Variants in CCDC112 observed in about 807,000 individuals in gnomAD.
The protein encoded by CCDC112 is coiled-coil domain containing 112, also known as coiled-coil domain-containing protein 112.
In CCDC112, 40 loss-of-function variants were observed where a neutral mutation model predicts 66.3. The ratio of observed to expected loss-of-function variants is 0.60; its 90% confidence interval spans 0.47 to 0.79. The LOEUF (loss-of-function observed/expected upper bound fraction) is 0.79. CCDC112 is among the 30% of genes least tolerant of loss of function. The pLI, the probability that CCDC112 is intolerant of heterozygous loss-of-function variation, is 0.00. For missense variants in CCDC112, 659 were observed against 603.8 expected (o/e 1.09, Z -0.96); for synonymous variants, 214 against 197.2 (o/e 1.09, Z -0.71).
rs759296203 is a variant in CCDC112, at chr5:115,296,514, C to A, written c.30G>T (p.Ala10=). The A allele has an allele frequency of 6.5e-7, 1 of 1,546,542 alleles. No individual in the cohort carries two copies. The highest frequency in any genetic ancestry group is 8.7e-7 in the Non-Finnish European group (1 of 1,151,870). Residue 10 remains alanine (A), a synonymous_variant, in exon 1 of 10, where the codon GCG becomes GCT. Coordinates refer to ENST00000379611, the MANE Select transcript of CCDC112 (RefSeq NM_001040440.3). ...CCCCGGCTACCGCGGTGGCCGCAGC[C>A]GCTACCACAACCGTCGTCAGTGCGG... MAALTTVVV[A]AAATAVAGAV...
chr5:115,286,331 A>T (rs533256385), intron 1 of CCDC112, among the ~76,000 whole-genome samples: 20 of 152,162 alleles, frequency 1.3e-4, no homozygotes, highest in Non-Finnish European at 2.6e-4. Context: ...TTCACTTCAC[A>T]TGATGTTTTC....
Position 115,267,447 on chromosome 5 carries a change from A to C in CCDC112, c.*429T>G, listed in dbSNP as rs1561491943. On this transcript the variant is annotated 3_prime_UTR_variant, in exon 10 of 10. Transcript: ENST00000379611. Reference sequence around the variant, plus strand: ...ATAGAAAAAGTACTAACATTTCGTAACTCTAAACAAAAACCACTTTACCTT... The same window carrying C: ...ATAGAAAAAGTACTAACATTTCGTACCTCTAAACAAAAACCACTTTACCTT... 1 of 157,708 alleles carries C rather than the reference A, an allele frequency of 6.3e-6. No homozygotes were observed. The highest frequency in any genetic ancestry group is 6.5e-5 in the Admixed American group (1 of 15,484). 9.8% of individuals were successfully genotyped at this position (157,708 alleles called of 1,614,324 possible).
At chr5:115,281,949 T>C (rs1379188356) in intron 2 of CCDC112, among the ~76,000 whole-genome samples, 1 of 152,258 alleles carries the variant, frequency 6.6e-6, no homozygotes, top group African/African-American at 2.4e-5. Context: ...GCAATATTTA[T>C]CACATTTGTA....
intron 2 of CCDC112, 121 bp downstream of exon 2, chr5:115,284,666 G>T: frequency 1.5e-6 from 1 of 653,970 alleles, no homozygotes; most frequent in Non-Finnish European, 2.5e-6. Flanking sequence ...TATTTGACAG[G>T]CTAGTGATTA....
intron 7 of CCDC112, 42 bp downstream of exon 7, chr5:115,271,171 T>A (rs1025040326): frequency 4.6e-6 from 7 of 1,522,420 alleles, no homozygotes; most frequent in Non-Finnish European, 3.5e-6. Flanking sequence ...AATACCTCCA[T>A]GTGTAGCATT....
intron 2 of CCDC112, among the ~76,000 whole-genome samples, chr5:115,280,654 G>C (rs1749413620): frequency 6.6e-6 from 1 of 151,786 alleles, no homozygotes; most frequent in Admixed American, 6.6e-5. Context: ...CCTGGCTCAA[G>C]CAATCCTCCA....
chr5:115,287,066 C>T (rs1199505256), intron 1 of CCDC112, among the ~76,000 whole-genome samples: 2 of 152,166 alleles, frequency 1.3e-5, no homozygotes, highest in African/African-American at 4.8e-5. Context: ...ATAATGCCTT[C>T]GAAGCCCCAA....
rs372625991 is a variant in CCDC112 at position 115,272,320 on chromosome 5, T to A, written c.919-694A>T. On this transcript the variant is annotated intron_variant, in intron 6 of 9. Coordinates refer to ENST00000379611, the MANE Select transcript of CCDC112 (RefSeq NM_001040440.3). Reference sequence around the variant, plus strand: ...TTCTAGGCTTAGAATACTTTCTGAGTGATCTTTATCTGGTCAAATATCAGA... The same window carrying A: ...TTCTAGGCTTAGAATACTTTCTGAGAGATCTTTATCTGGTCAAATATCAGA... 2.4e-4 allele frequency among the ~76,000 whole-genome samples: 37 copies of A among 152,304 alleles called. 1 individual carries two copies. In the East Asian group the frequency reaches 6.2e-3, roughly 25 times the overall value.
Position 115,275,410 on chromosome 5 carries a change from G to C in CCDC112, c.724C>G (p.Gln242Glu). ...CAGGCACCTTGTCGCCCTCCTGTTTGCTGAAGGAATTTTTCAAAATCTAGT... is the reference window on the plus strand; with the variant it reads ...CAGGCACCTTGTCGCCCTCCTGTTTCCTGAAGGAATTTTTCAAAATCTAGT... Reference protein sequence around the residue: ...EVLDFEKFLQQTGGRQGAWDD... With the variant: ...EVLDFEKFLQETGGRQGAWDD... The change falls in exon 6 of 10, where the codon CAA becomes GAA. Residue 242 changes from glutamine (Q) to glutamate (E), a missense_variant. By Grantham distance (29) the Gln-to-Glu change is conservative. Coordinates refer to ENST00000379611, the MANE Select transcript of CCDC112 (RefSeq NM_001040440.3). 6.2e-7 allele frequency: 1 copy of C among 1,613,940 alleles called. No homozygotes were observed. The highest frequency in any genetic ancestry group is 1.3e-5 in the African/African-American group (1 of 74,986).
intron 2 of CCDC112, among the ~76,000 whole-genome samples, chr5:115,284,310 C>T (rs1749584168): frequency 6.6e-6 from 1 of 152,072 alleles, no homozygotes; most frequent in Non-Finnish European, 1.5e-5. Context: ...AGATGTTTAT[C>T]CTCTATGATC....
At chr5:115,269,287 G>C (rs1561492588) in intron 8 of CCDC112, among the ~76,000 whole-genome samples, 1 of 152,026 alleles carries the variant, frequency 6.6e-6, no homozygotes, top group Non-Finnish European at 1.5e-5. Context: ...AAGTATGCTA[G>C]TGATATAGCC....
chr5:115,295,273 A>G (rs1345229565), intron 1 of CCDC112, among the ~76,000 whole-genome samples: 2 of 152,244 alleles, frequency 1.3e-5, no homozygotes, highest in Non-Finnish European at 2.9e-5. Flanking sequence ...TGCAGATCAG[A>G]AGACAGAACA....
chr5:115,275,466 T>C lies in CCDC112; in HGVS notation c.668A>G (p.Lys223Arg), dbSNP rs1383034016. Residue 223 changes from lysine to arginine, a missense_variant, in exon 6 of 10, where the codon AAA becomes AGA. Transcript: ENST00000379611. ...RAISSKVPVD[K>R]VTPSTLPEEV... ...TTCTGGAAGAGTACTTGGTGTTACT[T>C]TGTCTACAGGAACTTTGCTTGAGAT... is the stretch of plus-strand genomic sequence containing the variant. 1 of 1,614,116 alleles carries C rather than the reference T, an allele frequency of 6.2e-7. No individual in the cohort carries two copies. The highest frequency in any genetic ancestry group is 1.1e-5 in the South Asian group (1 of 91,086).
At chr5:115,281,589 C>T (rs759185992) in intron 2 of CCDC112, among the ~76,000 whole-genome samples, 5 of 152,146 alleles carry the variant, frequency 3.3e-5, no homozygotes, top group African/African-American at 4.8e-5. Context: ...GGGAAAATTA[C>T]TATGATAAAA....
At chr5:115,288,951 G>C (rs1186875545) in intron 1 of CCDC112, 4 of 409,006 alleles carry the variant, frequency 9.8e-6, no homozygotes, top group African/African-American at 8.5e-5. Context: ...GGGAGACAGG[G>C]ACTACTAAGA....
In CCDC112 at chr5:115,268,885, T is replaced by C; in HGVS notation, c.1544A>G (p.His515Arg). The change falls in exon 9 of 10, where the codon CAT becomes CGT. Residue 515 changes from histidine (H) to arginine (R), a missense_variant. Transcript: ENST00000379611. The stretch of plus-strand genomic sequence containing the variant: ...ACCAATTCTAACTCTTTCTTACCTA[T>C]GTGGGATATGTAGAAGTGGCCCAGA... ...TGSGPLLHIP[H>R]RAIPTWRQGI... The C allele has an allele frequency of 6.4e-7, 1 of 1,564,548 alleles. No homozygotes were observed. Among genetic ancestry groups the C allele is most frequent in the African/African-American group, 1.4e-5 (1 of 72,974 alleles).
At chr5:115,285,972 C>T (rs1423574859) in intron 1 of CCDC112, among the ~76,000 whole-genome samples, 1 of 152,054 alleles carries the variant, frequency 6.6e-6, no homozygotes, top group Non-Finnish European at 1.5e-5. Flanking sequence ...GAAAAGGAAA[C>T]AAGGCTTCAA....
At chr5:115,293,041 G>A (rs971961608) in intron 1 of CCDC112, among the ~76,000 whole-genome samples, 45 of 152,188 alleles carry the variant, frequency 3.0e-4, no homozygotes, top group African/African-American at 1.1e-3. Flanking sequence ...AGTTCTGGAG[G>A]TCTACTCTAA....
At chr5:115,294,952 T>G (rs1750085248) in intron 1 of CCDC112, among the ~76,000 whole-genome samples, 1 of 152,176 alleles carries the variant, frequency 6.6e-6, no homozygotes, top group African/African-American at 2.4e-5. Context: ...AATGAGGCTC[T>G]GCTTTCCCTA....
Sources: allele counts gnomAD v4.1 joint callset (sites outside exome capture counted in the v4.1 genomes callset), GRCh38; gene constraint gnomAD v4.1.1; transcripts MANE v1.5; gene names NCBI Gene and HGNC (gene_info 2026-07-23, HGNC 2026-07-21).